RGS5: variants seen among roughly 807,000 people sequenced by gnomAD.
The protein encoded by RGS5 is regulator of G protein signaling 5.
RGS5 carries 20 observed loss-of-function variants against 18.9 expected under a neutral mutation model. That is an observed-to-expected ratio of 1.06 (90% CI 0.74 to 1.54). The LOEUF (loss-of-function observed/expected upper bound fraction) is 1.54, where lower values mean the gene tolerates loss of function less well. Among genes scored for constraint, RGS5 ranks in the 40% most tolerant of loss-of-function variants. The pLI is 0.00. For missense variants in RGS5, 201 were observed against 211.8 expected (o/e 0.95, Z 0.32); for synonymous variants, 57 against 76.2 (o/e 0.75, Z 1.31).
chr1:163,246,689 C>T (rs373705693), intron 2 of RGS5, among the ~76,000 whole-genome samples: 2 of 152,300 alleles, frequency 1.3e-5, no homozygotes, highest in East Asian at 1.9e-4. Flanking sequence ...TATATTGTTA[C>T]AAAACCCACT....
At chr1:163,172,456 G>A (rs1658346561) in intron 1 of RGS5, 1 of 1,338,650 alleles carries the variant, frequency 7.5e-7, no homozygotes, top group East Asian at 2.5e-5. Context: ...CTATATCACT[G>A]CTTAAATAGA....
At chr1:163,300,269 G>A (rs1649519384) in intron 2 of RGS5, 1 of 152,220 alleles carries the variant, frequency 6.6e-6, no homozygotes. Context: ...ACGGAAGAGT[G>A]TCCTCTTGCA....
At chr1:163,301,549 T>C (rs1419236723) in intron 2 of RGS5, among the ~76,000 whole-genome samples, 1 of 152,088 alleles carries the variant, frequency 6.6e-6, no homozygotes, top group Non-Finnish European at 1.5e-5. Flanking sequence ...TCCAGGCTGG[T>C]CTCAAATTCC....
intron 2 of RGS5, among the ~76,000 whole-genome samples, chr1:163,236,860 C>T (rs971739756): frequency 1.3e-5 from 2 of 151,842 alleles, no homozygotes; most frequent in African/African-American, 4.8e-5. Context: ...ACTTGGGAGG[C>T]TGAGGCAGGG....
chr1:163,294,168 G>A (rs1227682634), intron 2 of RGS5, among the ~76,000 whole-genome samples: 3 of 152,192 alleles, frequency 2.0e-5, no homozygotes, highest in Admixed American at 2.0e-4. Flanking sequence ...TGGGGACTCT[G>A]TGTGGGGACT....
chr1:163,314,645 T>C (rs763294333), intron 1 of RGS5, among the ~76,000 whole-genome samples: 3 of 152,228 alleles, frequency 2.0e-5, no homozygotes, highest in Non-Finnish European at 4.4e-5. Context: ...CCCCTTCTGC[T>C]ATGGCATGAA....
intron 1 of RGS5, among the ~76,000 whole-genome samples, chr1:163,175,199 G>T (rs903002237): frequency 1.5e-4 from 23 of 152,222 alleles, no homozygotes; most frequent in Middle Eastern, 3.4e-3. Context: ...TAAGACATTT[G>T]CCGGATTAGA....
At chr1:163,252,128 T>C (rs1648127085) in intron 2 of RGS5, among the ~76,000 whole-genome samples, 1 of 152,182 alleles carries the variant, frequency 6.6e-6, no homozygotes, top group Non-Finnish European at 1.5e-5. Context: ...ATGAGCAATG[T>C]ATGAAAGATC....
intron 2 of RGS5, among the ~76,000 whole-genome samples, chr1:163,278,748 T>C (rs1648922247): frequency 6.6e-6 from 1 of 151,936 alleles, no homozygotes; most frequent in South Asian, 2.1e-4. Context: ...TTAAAAGAAA[T>C]AGACTGGCTG....
intron 2 of RGS5, among the ~76,000 whole-genome samples, chr1:163,227,478 A>G (rs1315415413): frequency 2.0e-5 from 3 of 152,182 alleles, no homozygotes; most frequent in African/African-American, 4.8e-5. Context: ...AACCACCTCC[A>G]TGATTCAATT....
chr1:163,309,284 T>C (rs1007849018), intron 1 of RGS5, among the ~76,000 whole-genome samples: 15 of 152,326 alleles, frequency 9.8e-5, no homozygotes, highest in Admixed American at 3.3e-4. Flanking sequence ...GTTGGCCACA[T>C]CAGTTGACTT....
chr1:163,262,476 AG>A (rs1322230455), intron 2 of RGS5, among the ~76,000 whole-genome samples: 2 of 66,520 alleles, frequency 3.0e-5, no homozygotes, highest in Non-Finnish European at 5.9e-5. Context: ...GTCCCTACAA[AG>A]GATATGAACT....
At chr1:163,316,570 T>A (rs1461815603) in intron 1 of RGS5, among the ~76,000 whole-genome samples, 1 of 132,794 alleles carries the variant, frequency 7.5e-6, no homozygotes, top group Admixed American at 7.6e-5. Flanking sequence ...GGCAACACAG[T>A]GAGACCCTAT....
rs892310764 is a variant in RGS5, at chr1:163,143,911, A to G, written c.*3431T>C. On this transcript the variant is annotated 3_prime_UTR_variant, in exon 5 of 5. Coordinates refer to ENST00000313961, the MANE Select transcript of RGS5 (RefSeq NM_003617.4). ...TTGCATGTCTATTACTCTTTGGAAA[A>G]TAATTAACAGCTCCATCCTATTGAA... 1 of 152,142 alleles carries G rather than the reference A, an allele frequency of 6.6e-6. No homozygotes were observed. The highest frequency in any genetic ancestry group is 2.4e-5 in the African/African-American group (1 of 41,430). The allele number at this position is 152,142 out of a possible 1,614,324, so 9.4% of individuals were successfully genotyped here. A position where few individuals can be genotyped will look rare whatever the true frequency, so the allele number is the denominator to read the frequency against.
intron 2 of RGS5, among the ~76,000 whole-genome samples, chr1:163,292,249 T>C (rs1243982166): frequency 6.6e-6 from 1 of 152,200 alleles, no homozygotes; most frequent in Non-Finnish European, 1.5e-5. Flanking sequence ...AGCTCCCACT[T>C]GTAAGTGAGA....
intron 2 of RGS5, among the ~76,000 whole-genome samples, chr1:163,167,816 G>T (rs1164682236): frequency 6.6e-6 from 1 of 152,124 alleles, no homozygotes; most frequent in Non-Finnish European, 1.5e-5. Flanking sequence ...CTTTCTGAGG[G>T]AAATGTTCTC....
chr1:163,307,651 T>G (rs368218443), intron 1 of RGS5, among the ~76,000 whole-genome samples: 2 of 151,662 alleles, frequency 1.3e-5, no homozygotes, highest in African/African-American at 2.4e-5. Context: ...TAGTAACACA[T>G]GATTGGTTCA....
intron 1 of RGS5, among the ~76,000 whole-genome samples, chr1:163,178,429 C>G (rs891858277): frequency 6.6e-6 from 1 of 152,118 alleles, no homozygotes; most frequent in Non-Finnish European, 1.5e-5. Flanking sequence ...GGTTCTATAA[C>G]TAATCAAATC....
At chr1:163,269,733 G>A (rs868726640) in intron 2 of RGS5, among the ~76,000 whole-genome samples, 19 of 152,244 alleles carry the variant, frequency 1.2e-4, no homozygotes, top group Middle Eastern at 3.4e-3. Flanking sequence ...TCCGACTTCT[G>A]ATCTACTATT....
Sources: gnomAD v4.1 joint callset for allele counts (sites outside exome capture counted in the v4.1 genomes callset) on GRCh38, gnomAD v4.1.1 for gene constraint, MANE v1.5 for transcripts, NCBI Gene and HGNC (gene_info 2026-07-23, HGNC 2026-07-21) for gene names.